NDUFAF7: variants seen among roughly 807,000 people sequenced by gnomAD.
NDUFAF7 encodes protein arginine methyltransferase NDUFAF7, mitochondrial.
Under a neutral mutation model 47.2 loss-of-function variants are expected in NDUFAF7, and 48 were observed. That is an observed-to-expected ratio of 1.02 (90% CI 0.81 to 1.29). The LOEUF (loss-of-function observed/expected upper bound fraction) is 1.29. Ranked by LOEUF, NDUFAF7 falls within the 50% of genes most tolerant of loss-of-function variation. The pLI is 0.00. For missense variants in NDUFAF7, 635 were observed against 537.6 expected, an observed-to-expected ratio of 1.18 and a Z score of -1.79; for synonymous variants, 217 against 190.0, an observed-to-expected ratio of 1.14 and a Z score of -1.17.
chr2:37,263,870 C>G, the NDUFAF7 span, among the ~76,000 whole-genome samples: 1 of 152,110 alleles, frequency 6.6e-6, no homozygotes, highest in Non-Finnish European at 1.5e-5. Context: ...TTCTGTTAAT[C>G]ATTTTTCTTA....
At chr2:37,270,651 A>G in the NDUFAF7 span, among the ~76,000 whole-genome samples, 405 of 152,334 alleles carry the variant, frequency 2.7e-3, 2 homozygotes, top group Non-Finnish European at 4.5e-3. Flanking sequence ...ATAAAGACAA[A>G]GCCTCAGCCC....
downstream of NDUFAF7, among the ~76,000 whole-genome samples, chr2:37,257,432 G>A (rs1049676375): frequency 5.3e-5 from 8 of 152,076 alleles, no homozygotes; most frequent in East Asian, 1.9e-4. Flanking sequence ...TTGGGAGGCC[G>A]AGGCGGGCGG....
At position 37,237,759 on chromosome 2, in the gene NDUFAF7, A is replaced by G. The variant is rs1665946254; in HGVS notation, c.300A>G (p.Leu100=). The change falls in exon 4 of 10, where the codon CTA becomes CTG. Residue 100 remains leucine (L), a splice_region_variant and synonymous_variant. Transcript: ENST00000002125. The stretch of plus-strand genomic sequence containing the variant: ...GTTTTTTTTTTCCCTTTTCACAGCT[A>G]CTAGGTATATGGTTCATTAGTGAAT... ...SPEISQIFGE[L]LGIWFISEWM... 1 of 1,590,986 alleles carries G rather than the reference A, an allele frequency of 6.3e-7. No homozygotes were observed. Among genetic ancestry groups the G allele is most frequent in the Non-Finnish European group, 8.6e-7 (1 of 1,159,414 alleles).
chr2:37,262,060 G>A, the NDUFAF7 span, among the ~76,000 whole-genome samples: 2 of 152,234 alleles, frequency 1.3e-5, no homozygotes, highest in Admixed American at 1.3e-4. Flanking sequence ...TGTTCAGGAG[G>A]TATTTTTATC....
chr2:37,236,292 A>G, intron 3 of NDUFAF7, 116 bp downstream of exon 3: 1 of 908,606 alleles, frequency 1.1e-6, no homozygotes, highest in South Asian at 1.4e-5. Flanking sequence ...AAAAGTTTTA[A>G]CTTTATAGTA....
downstream of NDUFAF7, chr2:37,253,311 G>A (rs772985780): frequency 4.3e-6 from 7 of 1,612,810 alleles, no homozygotes; most frequent in Admixed American, 1.7e-5. Context: ...TCTCCAATGC[G>A]AGTTTCAAAT....
chr2:37,247,508 A>C lies in NDUFAF7; in HGVS notation c.989A>C (p.Asp330Ala). ...HDVLIAPGTADLTADVDFSYL... is the reference protein window; with the variant it reads ...HDVLIAPGTAALTADVDFSYL... ...GTCTTAATTGCCCCAGGAACAGCAGATCTAACAGCTGATGTGGACTTCAGT... is the reference window on the plus strand; with the variant it reads ...GTCTTAATTGCCCCAGGAACAGCAGCTCTAACAGCTGATGTGGACTTCAGT... Residue 330 changes from aspartate (D) to alanine (A), a missense_variant, in exon 9 of 10, where the codon GAT (aspartate) becomes GCT (alanine). Coordinates refer to ENST00000002125, the MANE Select transcript of NDUFAF7 (RefSeq NM_144736.5). 1 of 1,614,072 alleles carries C rather than the reference A, an allele frequency of 6.2e-7. No homozygotes were observed. Among genetic ancestry groups the C allele is most frequent in the East Asian group, 2.2e-5 (1 of 44,864 alleles).
chr2:37,259,305 G>C, the NDUFAF7 span, among the ~76,000 whole-genome samples: 3 of 152,182 alleles, frequency 2.0e-5, no homozygotes, highest in African/African-American at 7.2e-5. Flanking sequence ...CACCAACCAA[G>C]GTTGATACTT....
chr2:37,246,118 C>G lies in NDUFAF7; in HGVS notation c.859C>G (p.Gln287Glu), dbSNP rs755139652. ...TGGTGTTATCATCGAGGAACTTTCTCAACGCATTGCATTAACTGGAGGTGC... is the reference window on the plus strand; with the variant it reads ...TGGTGTTATCATCGAGGAACTTTCTGAACGCATTGCATTAACTGGAGGTGC... ...DAGVIIEELS[Q>E]RIALTGGAAL... Residue 287 changes from glutamine to glutamate, a missense_variant, in exon 8 of 10, where the codon CAA becomes GAA. Gln to Glu is a conservative substitution (Grantham distance 29). Coordinates refer to ENST00000002125, the MANE Select transcript of NDUFAF7 (RefSeq NM_144736.5). 1.7e-5 allele frequency: 27 copies of G among 1,613,804 alleles called. No homozygotes were observed. The Admixed American group carries it at 4.5e-4, about 27-fold the overall frequency.
In NDUFAF7 at chr2:37,244,009, C is replaced by T. The variant is rs370320923; in HGVS notation, c.792+36C>T. On this transcript the variant is annotated intron_variant, in intron 7 of 9. Coordinates refer to ENST00000002125, the MANE Select transcript of NDUFAF7 (RefSeq NM_144736.5). Reference sequence around the variant, plus strand: ...GCTTTTTTAAGTTTCTTTTATTGCTCACAGAATCTTCAAAGTCTTATTTTC... The same window carrying T: ...GCTTTTTTAAGTTTCTTTTATTGCTTACAGAATCTTCAAAGTCTTATTTTC... The T allele has an allele frequency of 1.0e-4, 153 of 1,478,038 alleles. No homozygotes were observed. The African/African-American group carries it at 1.6e-3, about 16-fold the overall frequency. 91.6% of individuals were successfully genotyped at this position (1,478,038 alleles called of 1,614,324 possible).
At chr2:37,250,688 C>G (rs903226844), downstream of NDUFAF7, 1 of 152,064 alleles carries the variant, frequency 6.6e-6, no homozygotes, top group African/African-American at 2.4e-5. Flanking sequence ...GAAATAGGCT[C>G]AGGTTTTCAC....
intron 5 of NDUFAF7, chr2:37,242,098 G>A: frequency 2.5e-6 from 1 of 394,074 alleles, no homozygotes; most frequent in Non-Finnish European, 4.6e-6. Context: ...CAAGGCAGCT[G>A]GGGCTGATGG....
At chr2:37,255,991 CAG>C (rs1667904063), downstream of NDUFAF7, among the ~76,000 whole-genome samples, 5 of 152,184 alleles carry the variant, frequency 3.3e-5, no homozygotes, top group African/African-American at 1.2e-4. Context: ...GCCTGGGTGA[CAG>C]AGGGAGACCC....
the NDUFAF7 span, among the ~76,000 whole-genome samples, chr2:37,259,998 C>T: frequency 7.2e-5 from 11 of 152,026 alleles, no homozygotes; most frequent in Non-Finnish European, 1.5e-4. Context: ...AACCCCAGCT[C>T]TACTAAAAAT....
chr2:37,269,586 A>G, the NDUFAF7 span: 31 of 1,572,892 alleles, frequency 2.0e-5, no homozygotes, highest in Non-Finnish European at 2.6e-5. Context: ...AATAATGTGT[A>G]CAATATGCAA....
downstream of NDUFAF7, chr2:37,254,156 G>C: frequency 7.2e-7 from 1 of 1,379,350 alleles, no homozygotes; most frequent in Non-Finnish European, 1.0e-6. Context: ...AAATCAGAGT[G>C]AACTACTCAA....
At chr2:37,243,464 A>G (rs1244669818) in intron 6 of NDUFAF7, among the ~76,000 whole-genome samples, 5 of 152,162 alleles carry the variant, frequency 3.3e-5, no homozygotes, top group African/African-American at 1.2e-4. Context: ...AAAAAAAATA[A>G]TAAAACTTTT....
chr2:37,254,893 G>A (rs564799025), downstream of NDUFAF7, among the ~76,000 whole-genome samples: 1 of 152,286 alleles, frequency 6.6e-6, no homozygotes, highest in South Asian at 2.1e-4. Flanking sequence ...TACATGGTGA[G>A]TTCTTGGTAT....
chr2:37,246,165 T>A lies in NDUFAF7; in HGVS notation c.906T>A (p.Gly302=). ...TGGAALVADY[G]HDGTKTDTFR... is the part of the protein sequence containing the mutation. Reference sequence around the variant, plus strand: ...GTGCTGCACTGGTTGCTGATTATGGTCATGATGGAACAAAGACAGATACCT... The same window carrying A: ...GTGCTGCACTGGTTGCTGATTATGGACATGATGGAACAAAGACAGATACCT... The change falls in exon 8 of 10, where the codon GGT becomes GGA. Residue 302 remains glycine (G), a synonymous_variant. Coordinates refer to ENST00000002125, the MANE Select transcript of NDUFAF7 (RefSeq NM_144736.5). The A allele has an allele frequency of 6.2e-7, 1 of 1,613,896 alleles. No individual in the cohort carries two copies. Among genetic ancestry groups the A allele is most frequent in the Non-Finnish European group, 8.5e-7 (1 of 1,179,842 alleles).
Sources: allele counts gnomAD v4.1 joint callset (sites outside exome capture counted in the v4.1 genomes callset), GRCh38; gene constraint gnomAD v4.1.1; transcripts MANE v1.5; gene names NCBI Gene and HGNC (gene_info 2026-07-23, HGNC 2026-07-21).